Variants in RALGAPA2 observed in about 807,000 individuals in gnomAD.
The protein encoded by RALGAPA2 is Ral GTPase activating protein catalytic subunit alpha 2, also known as ral GTPase-activating protein subunit alpha-2.
A neutral mutation model predicts 230.4 loss-of-function variants in RALGAPA2; 139 were observed. That is an observed-to-expected ratio of 0.60 (90% CI 0.53 to 0.69). The LOEUF (loss-of-function observed/expected upper bound fraction) is 0.69. Among genes scored for constraint, RALGAPA2 ranks in the 30% least tolerant of loss-of-function variants. RALGAPA2 has a pLI of 0.00. For synonymous variants in RALGAPA2, 847 were observed against 837.8 expected, an observed-to-expected ratio of 1.01 and a Z score of -0.19; for missense variants, 2,163 against 2,276.0, an observed-to-expected ratio of 0.95 and a Z score of 1.01.
At chr20:20,439,217 G>GTT (rs1173075376) in intron 37 of RALGAPA2, among the ~76,000 whole-genome samples, 1 of 144,558 alleles carries the variant, frequency 6.9e-6, no homozygotes, top group Non-Finnish European at 1.5e-5. Flanking sequence ...CCTGGTTTTA[G>GTT]TTTTTTTTTT....
intron 24 of RALGAPA2, among the ~76,000 whole-genome samples, chr20:20,540,521 C>T (rs1045701318): frequency 1.3e-5 from 2 of 152,268 alleles, no homozygotes; most frequent in African/African-American, 2.4e-5. Flanking sequence ...GAACATAACA[C>T]TTTTTTCTTT....
At chr20:20,555,686 A>C (rs193105284) in intron 23 of RALGAPA2, among the ~76,000 whole-genome samples, 2 of 152,224 alleles carry the variant, frequency 1.3e-5, no homozygotes, top group Admixed American at 1.3e-4. Context: ...TTGCTTTCTT[A>C]ATTTCATTTT....
chr20:20,504,151 T>C (rs530572747), intron 34 of RALGAPA2, among the ~76,000 whole-genome samples: 74 of 152,308 alleles, frequency 4.9e-4, no homozygotes, highest in African/African-American at 1.7e-3. Context: ...CTGTGCCAAA[T>C]AGAGTAAACA....
chr20:20,624,732 A>T (rs943551722), intron 10 of RALGAPA2, among the ~76,000 whole-genome samples: 1 of 151,722 alleles, frequency 6.6e-6, no homozygotes, highest in African/African-American at 2.4e-5. Context: ...CGTTATTATA[A>T]TTTTTTTTTA....
At chr20:20,482,198 C>T (rs2061793520) in intron 36 of RALGAPA2, among the ~76,000 whole-genome samples, 1 of 152,120 alleles carries the variant, frequency 6.6e-6, no homozygotes, top group African/African-American at 2.4e-5. Flanking sequence ...ATTTCATGTA[C>T]CATCTGTTTA....
chr20:20,440,704 G>A (rs1165697288), intron 37 of RALGAPA2, among the ~76,000 whole-genome samples: 3 of 152,214 alleles, frequency 2.0e-5, no homozygotes, highest in African/African-American at 4.8e-5. Flanking sequence ...ATCAGACAGC[G>A]AGAGCAGAGC....
intron 23 of RALGAPA2, 83 bp downstream of exon 23, chr20:20,571,375 T>G: frequency 7.2e-7 from 1 of 1,381,636 alleles, no homozygotes. Context: ...CTGATGTATT[T>G]TCATAAATAT....
rs150958055 is a variant in RALGAPA2, at chr20:20,501,884, G to T, written c.5208+1467C>A. Among the ~76,000 whole-genome samples the T allele has an allele frequency of 7.0e-4, 107 of 152,236 alleles. 2 individuals are homozygous for T. The East Asian group carries it at 0.02, about 28-fold the overall frequency. On this transcript the variant is annotated intron_variant, in intron 35 of 39. Coordinates refer to ENST00000202677, the MANE Select transcript of RALGAPA2 (RefSeq NM_020343.4). ...GTGCTTAGGGAATAGGAAGGCCCAA[G>T]GAGCGGAAGATACATAGGGGAACGG...
At chr20:20,510,952 CATA>C (rs1167418202) in intron 33 of RALGAPA2, among the ~76,000 whole-genome samples, 1 of 152,132 alleles carries the variant, frequency 6.6e-6, no homozygotes, top group Non-Finnish European at 1.5e-5. Flanking sequence ...TTTTCTTCAT[CATA>C]AGGAGGTGGT....
intron 33 of RALGAPA2, among the ~76,000 whole-genome samples, chr20:20,510,159 C>G (rs186134900): frequency 6.6e-6 from 1 of 152,098 alleles, no homozygotes; most frequent in African/African-American, 2.4e-5. Flanking sequence ...TCTAACTCAT[C>G]GCTGTAAGTG....
chr20:20,553,524 C>T (rs568868712), intron 23 of RALGAPA2, among the ~76,000 whole-genome samples: 4 of 152,106 alleles, frequency 2.6e-5, no homozygotes, highest in South Asian at 4.2e-4. Context: ...TGCATTCCAG[C>T]CCAGGCAACA....
chr20:20,396,304 CCGGCCCAGCACGTGCCGTGTCTTAT>C (rs1474142219), intron 39 of RALGAPA2, among the ~76,000 whole-genome samples: 2 of 152,284 alleles, frequency 1.3e-5, no homozygotes, highest in Non-Finnish European at 2.9e-5. Context: ...CGGTCAAAGG[CCGGCCCAGCACGTGCCGTGTCTTAT>C]CGGCCCATCT....
At chr20:20,642,728 C>T (rs747857965) in intron 5 of RALGAPA2, among the ~76,000 whole-genome samples, 13 of 151,786 alleles carry the variant, frequency 8.6e-5, no homozygotes, top group African/African-American at 1.2e-4. Context: ...TCTACAGTGA[C>T]GCTAGGAATA....
At chr20:20,472,200 T>C (rs181509975) in intron 37 of RALGAPA2, 2 of 152,326 alleles carry the variant, frequency 1.3e-5, no homozygotes, top group East Asian at 3.9e-4. Flanking sequence ...ATTCTGTTTT[T>C]GGAAACAAAA....
intron 37 of RALGAPA2, among the ~76,000 whole-genome samples, chr20:20,427,670 T>C (rs1205066683): frequency 2.6e-5 from 4 of 152,036 alleles, no homozygotes; most frequent in African/African-American, 7.2e-5. Flanking sequence ...GGCTTGCAAT[T>C]TGACGTGAGG....
intron 23 of RALGAPA2, among the ~76,000 whole-genome samples, chr20:20,549,774 C>T (rs1332992262): frequency 3.3e-5 from 5 of 152,138 alleles, no homozygotes; most frequent in African/African-American, 4.8e-5. Context: ...TTCACCATCC[C>T]CACCATACAT....
intron 39 of RALGAPA2, among the ~76,000 whole-genome samples, chr20:20,394,889 C>CAAAAAAAAAAAAAAAAAAAAAAA (rs10673778): frequency 2.2e-5 from 1 of 44,648 alleles, no homozygotes; most frequent in African/African-American, 9.2e-5. Flanking sequence ...AATAAATAAG[C>CAAAAAAAAAAAAAAAAAAAAAAA]AAAAAAAAAA....
intron 37 of RALGAPA2, among the ~76,000 whole-genome samples, chr20:20,454,907 C>A (rs2061074561): frequency 6.6e-6 from 1 of 152,154 alleles, no homozygotes. Context: ...ATAATTACAG[C>A]ACAAAGCCCA....
chr20:20,571,421 A>G (rs749886026), intron 23 of RALGAPA2, 37 bp downstream of exon 23: 7 of 1,567,522 alleles, frequency 4.5e-6, no homozygotes, highest in Non-Finnish European at 5.2e-6. Context: ...GCTATTTCCA[A>G]TTAATGGGCA....
Sources: allele counts gnomAD v4.1 joint callset (sites outside exome capture counted in the v4.1 genomes callset), GRCh38; gene constraint gnomAD v4.1.1; transcripts MANE v1.5; gene names NCBI Gene and HGNC (gene_info 2026-07-23, HGNC 2026-07-21).